Variants in SEC23IP observed in about 807,000 individuals in gnomAD.
The protein encoded by SEC23IP is SEC23 interacting protein.
A neutral mutation model predicts 113.4 loss-of-function variants in SEC23IP; 70 were observed. The observed-to-expected ratio is 0.62, with a 90% CI of 0.51 to 0.75. The LOEUF is 0.75. Ranked by LOEUF, SEC23IP falls within the 30% of genes least tolerant of loss-of-function variation. The probability of loss-of-function intolerance (pLI) is 0.00; values close to 1 mark genes in which losing one functional copy is unlikely to be tolerated. For missense variants in SEC23IP, 1,160 were observed against 1,204.9 expected (o/e 0.96, Z 0.55); for synonymous variants, 398 against 421.0 (o/e 0.95, Z 0.67).
intron 16 of SEC23IP, 143 bp downstream of exon 16, chr10:119,932,461 C>T (rs1361448270): frequency 7.9e-6 from 5 of 629,654 alleles, no homozygotes; most frequent in Non-Finnish European, 1.4e-5. Flanking sequence ...TTAAGATAAA[C>T]TGTACTGTCA....
At chr10:119,921,152 T>C (rs1855239494) in intron 12 of SEC23IP, among the ~76,000 whole-genome samples, 168 bp downstream of exon 12, 1 of 152,204 alleles carries the variant, frequency 6.6e-6, no homozygotes, top group African/African-American at 2.4e-5. Flanking sequence ...AGAGTTGGGC[T>C]TAAGTCCACA....
chr10:119,930,511 C>A, intron 15 of SEC23IP, 80 bp downstream of exon 15: 1 of 764,282 alleles, frequency 1.3e-6, no homozygotes, highest in Admixed American at 2.3e-5. Context: ...GACACTAAAT[C>A]GTCTCTGAGA....
chr10:119,895,530 C>G (rs764492143), intron 1 of SEC23IP, among the ~76,000 whole-genome samples: 6 of 152,142 alleles, frequency 3.9e-5, no homozygotes, highest in Non-Finnish European at 8.8e-5. Flanking sequence ...AACTGTGATA[C>G]AGGTTTAGAA....
rs958156405 is a variant in SEC23IP at position 119,936,873 on chromosome 10, C to CTTTAT, written c.*20+3110_*20+3114dup. Among the ~76,000 whole-genome samples the CTTTAT allele has an allele frequency of 2.5e-4, 38 of 151,350 alleles. 1 individual carries two copies. The South Asian group carries it at 3.3e-3, about 13-fold the overall frequency. Reference sequence around the variant, plus strand: ...GGTACGGGGTAGGGTCCTTTTCTTTCTTTATTTTATTTTATTTTATTTTAT... The same window carrying CTTTAT: ...GGTACGGGGTAGGGTCCTTTTCTTTCTTTATTTTATTTTATTTTATTTTATTTTAT... On this transcript the variant is annotated intron_variant, in intron 18 of 18. Coordinates refer to ENST00000369075, the MANE Select transcript of SEC23IP (RefSeq NM_007190.4).
rs1856033095 is a variant in SEC23IP, at chr10:119,944,584, T to C, written c.*4019T>C. On this transcript the variant is annotated 3_prime_UTR_variant, in exon 19 of 19. Coordinates refer to ENST00000369075, the MANE Select transcript of SEC23IP (RefSeq NM_007190.4). Reference sequence around the variant, plus strand: ...TGGGGCGACTGAAGAAATTATGTTGTTAAGCACGAAATGCAGAGAGAGAGC... The same window carrying C: ...TGGGGCGACTGAAGAAATTATGTTGCTAAGCACGAAATGCAGAGAGAGAGC... 1 of 152,356 alleles carries C rather than the reference T, an allele frequency of 6.6e-6. No individual in the cohort carries two copies. Among genetic ancestry groups the C allele is most frequent in the African/African-American group, 2.4e-5 (1 of 41,590 alleles). 9.4% of individuals were successfully genotyped at this position (152,356 alleles called of 1,614,324 possible).
chr10:119,898,375 T>A, intron 1 of SEC23IP, 52 bp from the exon 2 acceptor site: 1 of 1,520,908 alleles, frequency 6.6e-7, no homozygotes, highest in Non-Finnish European at 8.8e-7. Context: ...GAATCGTATC[T>A]GCGGAGTGAT....
rs181300792 is a variant in SEC23IP at position 119,929,424 on chromosome 10, C to T, written c.2314-183C>T. On this transcript the variant is annotated intron_variant, in intron 13 of 18. Coordinates refer to ENST00000369075, the MANE Select transcript of SEC23IP (RefSeq NM_007190.4). ...AATTGTTTTATATTTTTAGTAGAGA[C>T]AGGGTTTCACTGTGTTAGCCAGGAT... is the stretch of plus-strand genomic sequence containing the variant. 4.6e-5 allele frequency among the ~76,000 whole-genome samples: 7 copies of T among 152,148 alleles called. No individual in the cohort carries two copies. The East Asian group carries it at 9.7e-4, about 21-fold the overall frequency.
chr10:119,936,351 G>A (rs1204017922), intron 18 of SEC23IP, among the ~76,000 whole-genome samples: 1 of 151,824 alleles, frequency 6.6e-6, no homozygotes, highest in African/African-American at 2.4e-5. Context: ...GAGGTCAGGA[G>A]TTCGAGACCA....
chr10:119,924,481 C>T (rs376229364), intron 12 of SEC23IP, among the ~76,000 whole-genome samples: 17 of 151,300 alleles, frequency 1.1e-4, no homozygotes, highest in South Asian at 2.1e-4. Context: ...AATGCAGTGG[C>T]GGATCTCGAC....
At chr10:119,913,077 T>A (rs1589833261) in intron 6 of SEC23IP, among the ~76,000 whole-genome samples, 1 of 152,116 alleles carries the variant, frequency 6.6e-6, no homozygotes, top group Admixed American at 6.6e-5. Context: ...TATCTTCACT[T>A]CCCCCCGACC....
chr10:119,898,790 C>T lies in SEC23IP; in HGVS notation c.527C>T (p.Pro176Leu). The change falls in exon 2 of 19, where the codon CCC becomes CTC. Residue 176 changes from proline to leucine, a missense_variant. By Grantham distance (98) the Pro-to-Leu change is moderately conservative. Coordinates refer to ENST00000369075, the MANE Select transcript of SEC23IP (RefSeq NM_007190.4). ...TTTGGGAACCAACCCCAAGGAATTC[C>T]CCAACCAGGATACAATCCATATCGC... Reference protein sequence around the residue: ...SYFGNQPQGIPQPGYNPYRHT... With the variant: ...SYFGNQPQGILQPGYNPYRHT... 6.2e-7 allele frequency: 1 copy of T among 1,614,182 alleles called. No homozygotes were observed. The highest frequency in any genetic ancestry group is 1.1e-5 in the South Asian group (1 of 91,090).
At chr10:119,920,273 A>G (rs948170825) in intron 11 of SEC23IP, among the ~76,000 whole-genome samples, 3 of 152,234 alleles carry the variant, frequency 2.0e-5, no homozygotes, top group African/African-American at 7.2e-5. Context: ...AGAAATATTC[A>G]AACAAGAATT....
intron 14 of SEC23IP, among the ~76,000 whole-genome samples, 192 bp downstream of exon 14, chr10:119,929,954 C>T (rs888634176): frequency 1.1e-4 from 16 of 152,168 alleles, no homozygotes; most frequent in African/African-American, 3.4e-4. Flanking sequence ...TGACCTTTTA[C>T]TTTCTTTTTT....
rs200409855 is a variant in SEC23IP at position 119,904,283 on chromosome 10, G to A, written c.1101+6G>A. 6.2e-7 allele frequency: 1 copy of A among 1,613,222 alleles called. No individual in the cohort carries two copies. The highest frequency in any genetic ancestry group is 8.5e-7 in the Non-Finnish European group (1 of 1,179,280). On this transcript the variant is annotated splice_donor_region_variant and intron_variant, in intron 4 of 18. Coordinates refer to ENST00000369075, the MANE Select transcript of SEC23IP (RefSeq NM_007190.4). ...AGTTCAGTGAAAAACTAGAGGTACG[G>A]GTGCTTTATTTCTTTATGAGTTTCT...
chr10:119,934,004 G>A (rs931024427), intron 18 of SEC23IP, among the ~76,000 whole-genome samples: 1 of 152,136 alleles, frequency 6.6e-6, no homozygotes, highest in Non-Finnish European at 1.5e-5. Context: ...CATAGAATTT[G>A]AGTTATTTTT....
rs750824114 is a variant in SEC23IP, at chr10:119,898,487, C to G, written c.224C>G (p.Ser75Cys). 1 of 1,614,138 alleles carries G rather than the reference C, an allele frequency of 6.2e-7. No homozygotes were observed. Among genetic ancestry groups the G allele is most frequent in the Admixed American group, 1.7e-5 (1 of 60,020 alleles). The change falls in exon 2 of 19, where the codon TCT becomes TGT. Residue 75 changes from serine to cysteine, a missense_variant. Physicochemically the swap from Ser to Cys is moderately radical, Grantham distance 112. Coordinates refer to ENST00000369075, the MANE Select transcript of SEC23IP (RefSeq NM_007190.4). ...CTTGGTCAGACTTCTATTCACACATCTGCCCCACAGACATTTAGTTACTTC... is the reference window on the plus strand; with the variant it reads ...CTTGGTCAGACTTCTATTCACACATGTGCCCCACAGACATTTAGTTACTTC... ...SFLGQTSIHT[S>C]APQTFSYFSQ...
chr10:119,921,545 C>G (rs961285065), intron 12 of SEC23IP, among the ~76,000 whole-genome samples: 1 of 152,164 alleles, frequency 6.6e-6, no homozygotes, highest in Non-Finnish European at 1.5e-5. Context: ...GCATGCAAAG[C>G]TTAGCACCAA....
At chr10:119,923,499 G>GAATT (rs2134507930) in intron 12 of SEC23IP, among the ~76,000 whole-genome samples, 1 of 151,252 alleles carries the variant, frequency 6.6e-6, no homozygotes, top group East Asian at 1.9e-4. Flanking sequence ...ATTTGAAAAG[G>GAATT]AATTGTTTCT....
intron 1 of SEC23IP, among the ~76,000 whole-genome samples, chr10:119,896,488 A>G (rs1216831408): frequency 1.3e-5 from 2 of 152,222 alleles, no homozygotes; most frequent in South Asian, 4.1e-4. Context: ...CATGAGGTAT[A>G]TGTGACTGAA....
Sources: gnomAD v4.1 joint callset for allele counts (sites outside exome capture counted in the v4.1 genomes callset) on GRCh38, gnomAD v4.1.1 for gene constraint, MANE v1.5 for transcripts, NCBI Gene and HGNC (gene_info 2026-07-23, HGNC 2026-07-21) for gene names.